The following FANCF variants were observed in gnomAD, a reference collection of about 807,000 sequenced individuals.
FANCF encodes Fanconi anemia group F protein.
For synonymous variants in FANCF, 257 were observed against 205.9 expected, an observed-to-expected ratio of 1.25 and a Z score of -2.13; for missense variants, 552 against 481.8, an observed-to-expected ratio of 1.15 and a Z score of -1.36.
rs753213642 is a variant in FANCF, at chr11:22,624,829, C to T, written c.982G>A (p.Ala328Thr). The change falls in exon 1 of 1, where the codon GCC becomes ACC. Residue 328 changes from alanine to threonine, a missense_variant. Coordinates refer to ENST00000327470, the MANE Select transcript of FANCF (RefSeq NM_022725.4). ...TCCTGCGCTTTACAGGTCTCCAGGGCAGTTAGAACTTTATCTTTCAGAGGT... is the reference window on the plus strand; with the variant it reads ...TCCTGCGCTTTACAGGTCTCCAGGGTAGTTAGAACTTTATCTTTCAGAGGT... ...PPPLKDKVLTALETCKAQDGD... is the reference protein window; with the variant it reads ...PPPLKDKVLTTLETCKAQDGD... 10 of 1,614,044 alleles carry T rather than the reference C, an allele frequency of 6.2e-6. No homozygotes were observed. The Admixed American group carries it at 8.3e-5, about 13-fold the overall frequency.
At position 22,624,154 on chromosome 11, in the gene FANCF, A is replaced by T; in HGVS notation, c.*532T>A. On this transcript the variant is annotated 3_prime_UTR_variant, in exon 1 of 1. Transcript: ENST00000327470. ...AAAGTAAGAATTTGCAGAAAATGAG[A>T]AACAAACTTTCTGAACAATACAATT... 1 of 240,460 alleles carries T rather than the reference A, an allele frequency of 4.2e-6. No homozygotes were observed. Among genetic ancestry groups the T allele is most frequent in the Non-Finnish European group, 8.2e-6 (1 of 121,666 alleles). The allele number at this position is 240,460 out of a possible 1,614,324, so 14.9% of individuals were successfully genotyped here.
rs758088094 is a variant in FANCF at position 22,625,156 on chromosome 11, G to C, written c.655C>G (p.Gln219Glu). 1 of 1,608,376 alleles carries C rather than the reference G, an allele frequency of 6.2e-7. No homozygotes were observed. The highest frequency in any genetic ancestry group is 1.1e-5 in the South Asian group (1 of 90,756). ...TGGATGCCGGGTTCCAACTCTTCTT[G>C]GGGCCGACGAGACAAAGGCGGCTGC... ...LLQPPLSRRP[Q>E]EELEPGIHKS... The change falls in exon 1 of 1, where the codon CAA becomes GAA. Residue 219 changes from glutamine (Q) to glutamate (E), a missense_variant. Transcript: ENST00000327470.
At position 22,622,595 on chromosome 11, in the gene FANCF, GA is replaced by G. The variant is rs1360136153; in HGVS notation, c.*2090del. The G allele has an allele frequency of 2.3e-4, 41 of 181,566 alleles. No individual in the cohort carries two copies. Among genetic ancestry groups the G allele is most frequent in the Middle Eastern group, 4.2e-3 (2 of 472 alleles). 11.2% of individuals were successfully genotyped at this position (181,566 alleles called of 1,614,324 possible). On this transcript the variant is annotated 3_prime_UTR_variant, in exon 1 of 1. Transcript: ENST00000327470. ...TCCTAATCTTTTCAAGTCCTTAAGA[GA>G]AAGTATATAAAGCTCTAATGCTGGT...
Position 22,625,764 on chromosome 11 carries a change from G to T in FANCF, c.47C>A (p.Ala16Glu). 1 of 1,614,166 alleles carries T rather than the reference G, an allele frequency of 6.2e-7. No individual in the cohort carries two copies. The highest frequency in any genetic ancestry group is 8.5e-7 in the Non-Finnish European group (1 of 1,180,048). ...GCTGACGTAGGTAGTGCTTGAGACCGCCAGAAGCTCGGAAAAGCGATCCAG... is the reference window on the plus strand; with the variant it reads ...GCTGACGTAGGTAGTGCTTGAGACCTCCAGAAGCTCGGAAAAGCGATCCAG... ...QHLDRFSELL[A>E]VSSTTYVSTW... Residue 16 changes from alanine (A) to glutamate (E), a missense_variant, in exon 1 of 1, where the codon GCG becomes GAG. Ala to Glu is a moderately radical substitution (Grantham distance 107, BLOSUM62 -1). Transcript: ENST00000327470.
Position 22,625,297 on chromosome 11 carries a change from C to G in FANCF, c.514G>C (p.Glu172Gln). Reference protein sequence around the residue: ...LMKTQAELLLERLQEVGKAEA... With the variant: ...LMKTQAELLLQRLQEVGKAEA... ...GCCTTCCCCACCTCCTGCAGACGCTCCAGCAGCAGCTCCGCCTGGGTCTTC... is the reference window on the plus strand; with the variant it reads ...GCCTTCCCCACCTCCTGCAGACGCTGCAGCAGCAGCTCCGCCTGGGTCTTC... The change falls in exon 1 of 1, where the codon GAG (glutamate) becomes CAG (glutamine). Residue 172 changes from glutamate (E) to glutamine (Q), a missense_variant. Transcript: ENST00000327470. The G allele has an allele frequency of 6.2e-7, 1 of 1,614,226 alleles. No homozygotes were observed. Among genetic ancestry groups the G allele is most frequent in the Non-Finnish European group, 8.5e-7 (1 of 1,180,052 alleles).
In FANCF at chr11:22,625,415, G is replaced by T; in HGVS notation, c.396C>A (p.Ser132Arg). ...RDADEETLQESLARLARRRSA... is the reference protein window; with the variant it reads ...RDADEETLQERLARLARRRSA... ...ACCGCCGGCGGGCAAGGCGGGCCAG[G>T]CTCTCTTGGAGTGTCTCCTCATCGG... is the stretch of plus-strand genomic sequence containing the variant. Residue 132 changes from serine to arginine, a missense_variant, in exon 1 of 1, where the codon AGC (serine) becomes AGA (arginine). Physicochemically the swap from Ser to Arg is moderately radical, Grantham distance 110. Transcript: ENST00000327470. 1 of 1,614,160 alleles carries T rather than the reference G, an allele frequency of 6.2e-7. No homozygotes were observed. Among genetic ancestry groups the T allele is most frequent in the Admixed American group, 1.7e-5 (1 of 60,030 alleles).
At position 22,624,733 on chromosome 11, in the gene FANCF, T is replaced by C. The variant is rs1357749824; in HGVS notation, c.1078A>G (p.Arg360Gly). The change falls in exon 1 of 1, where the codon AGG (arginine) becomes GGG (glycine). Residue 360 changes from arginine (R) to glycine (G), a missense_variant. Coordinates refer to ENST00000327470, the MANE Select transcript of FANCF (RefSeq NM_022725.4). The part of the protein sequence containing the change: ...LLLALRSGAF[R>G]KRQVLGLSAG... ...CTGAGACCCAAAACTTGTCTTTTCC[T>C]AAATGCACCACTACGAAGAGCTAAT... 5 of 1,614,082 alleles carry C rather than the reference T, an allele frequency of 3.1e-6. No homozygotes were observed. Among genetic ancestry groups the C allele is most frequent in the Non-Finnish European group, 4.2e-6 (5 of 1,180,046 alleles).
chr11:22,625,155 TGG>T lies in FANCF; in HGVS notation c.654_655del (p.Gln219ArgfsTer46). ...GTGGATGCCGGGTTCCAACTCTTCT[TGG>T]GGCCGACGAGACAAAGGCGGCTGCA... is the stretch of plus-strand genomic sequence containing the variant. On this transcript the variant is annotated frameshift_variant, in exon 1 of 1. Transcript: ENST00000327470. LOFTEE classifies it low-confidence loss of function (END_TRUNC). 7 of 1,608,534 alleles carry T rather than the reference TGG, an allele frequency of 4.4e-6. No homozygotes were observed. The highest frequency in any genetic ancestry group is 5.1e-6 in the Non-Finnish European group (6 of 1,176,758).
At position 22,625,199 on chromosome 11, in the gene FANCF, C is replaced by G. The variant is rs371052861; in HGVS notation, c.612G>C (p.Val204=). ...ERLPQNNFLK[V]IAVALLQPPL... ...GCGGCTGCAACAGCGCCACCGCTAT[C>G]ACCTTCAGGAAGTTGTTCTGAGGCA... Residue 204 remains valine (V), a synonymous_variant, in exon 1 of 1, where the codon GTG becomes GTC. Transcript: ENST00000327470. The G allele has an allele frequency of 6.2e-7, 1 of 1,612,616 alleles. No homozygotes were observed. The highest frequency in any genetic ancestry group is 1.3e-5 in the African/African-American group (1 of 74,850).
Position 22,625,535 on chromosome 11 carries a change from C to T in FANCF, c.276G>A (p.Leu92=), listed in dbSNP as rs757554175. 1.9e-6 allele frequency: 3 copies of T among 1,614,146 alleles called. No individual in the cohort carries two copies. The South Asian group carries it at 3.3e-5, about 18-fold the overall frequency. The change falls in exon 1 of 1, where the codon CTG becomes CTA. Residue 92 remains leucine (L), a synonymous_variant. Transcript: ENST00000327470. ...NFQALGHCDV[L]LSLRLLENRA... ...GGTTCTCCAGCAGGCGCAGAGAGAG[C>T]AGGACGTCACAGTGACCGAGGGCCT...
At position 22,624,755 on chromosome 11, in the gene FANCF, T is replaced by G. The variant is rs754545069; in HGVS notation, c.1056A>C (p.Leu352Phe). ...TCCTAAATGCACCACTACGAAGAGC[T>G]AATAAGAGGTCTGTCCAGATGCTAA... ...PGLSIWTDLL[L>F]ALRSGAFRKR... The change falls in exon 1 of 1, where the codon TTA becomes TTC. Residue 352 changes from leucine (L) to phenylalanine (F), a missense_variant. Physicochemically the swap from Leu to Phe is conservative, Grantham distance 22. Coordinates refer to ENST00000327470, the MANE Select transcript of FANCF (RefSeq NM_022725.4). 1.7e-5 allele frequency: 27 copies of G among 1,614,056 alleles called. No individual in the cohort carries two copies. The highest frequency in any genetic ancestry group is 2.3e-5 in the Non-Finnish European group (27 of 1,180,040).
Position 22,624,895 on chromosome 11 carries a change from C to T in FANCF, c.916G>A (p.Glu306Lys). The change falls in exon 1 of 1, where the codon GAG (glutamate) becomes AAG (lysine). Residue 306 changes from glutamate to lysine, a missense_variant. Coordinates refer to ENST00000327470, the MANE Select transcript of FANCF (RefSeq NM_022725.4). Reference protein sequence around the residue: ...GTESQDVPWEELHNRFQSLCQ... With the variant: ...GTESQDVPWEKLHNRFQSLCQ... Reference sequence around the variant, plus strand: ...AGGCTTTGAAACCTATTGTGCAACTCCTCCCAGGGCACATCTTGGGACTCA... The same window carrying T: ...AGGCTTTGAAACCTATTGTGCAACTTCTCCCAGGGCACATCTTGGGACTCA... 1 of 1,614,152 alleles carries T rather than the reference C, an allele frequency of 6.2e-7. No individual in the cohort carries two copies. Among genetic ancestry groups the T allele is most frequent in the African/African-American group, 1.3e-5 (1 of 75,028 alleles).
At position 22,625,755 on chromosome 11, in the gene FANCF, C is replaced by T. The variant is rs1288711259; in HGVS notation, c.56G>A (p.Ser19Asn). 2 of 1,614,054 alleles carry T rather than the reference C, an allele frequency of 1.2e-6. No individual in the cohort carries two copies. Among genetic ancestry groups the T allele is most frequent in the African/African-American group, 2.7e-5 (2 of 74,938 alleles). The change falls in exon 1 of 1, where the codon AGC becomes AAC. Residue 19 changes from serine (S) to asparagine (N), a missense_variant. Ser to Asn is a conservative substitution (Grantham distance 46). Coordinates refer to ENST00000327470, the MANE Select transcript of FANCF (RefSeq NM_022725.4). ...DRFSELLAVS[S>N]TTYVSTWDPA... is the part of the protein sequence containing the mutation. The stretch of plus-strand genomic sequence containing the variant: ...GTCCCAGGTGCTGACGTAGGTAGTG[C>T]TTGAGACCGCCAGAAGCTCGGAAAA...
rs1858590036 is a variant in FANCF at position 22,623,559 on chromosome 11, A to T, written c.*1127T>A. 1 of 195,744 alleles carries T rather than the reference A, an allele frequency of 5.1e-6. No individual in the cohort carries two copies. Among genetic ancestry groups the T allele is most frequent in the Admixed American group, 6.1e-5 (1 of 16,474 alleles). 12.1% of individuals were successfully genotyped at this position (195,744 alleles called of 1,614,324 possible). A position where few individuals can be genotyped will look rare whatever the true frequency, so the allele number is the denominator to read the frequency against. On this transcript the variant is annotated 3_prime_UTR_variant, in exon 1 of 1. Coordinates refer to ENST00000327470, the MANE Select transcript of FANCF (RefSeq NM_022725.4). ...ATATTCTAAACTGTTTCCACAGGGC[A>T]GCCACCAAGGGAAAAATAAGGAAAT...
chr11:22,625,606 C>T lies in FANCF; in HGVS notation c.205G>A (p.Glu69Lys), dbSNP rs1858634789. The change falls in exon 1 of 1, where the codon GAG (glutamate) becomes AAG (lysine). Residue 69 changes from glutamate (E) to lysine (K), a missense_variant. Transcript: ENST00000327470. ...ERRLHNQWRQ[E>K]GGFGRGPVPG... The stretch of plus-strand genomic sequence containing the variant: ...ACTGGACCCCGCCCAAAGCCGCCCT[C>T]TTGCCTCCACTGGTTGTGCAGCCGC... 6.2e-7 allele frequency: 1 copy of T among 1,613,810 alleles called. No individual in the cohort carries two copies. Among genetic ancestry groups the T allele is most frequent in the South Asian group, 1.1e-5 (1 of 91,090 alleles).
rs1858606642 is a variant in FANCF, at chr11:22,624,379, AGCT to A, written c.*304_*306del. 5.0e-6 allele frequency: 2 copies of A among 401,952 alleles called. No homozygotes were observed. Among genetic ancestry groups the A allele is most frequent in the Non-Finnish European group, 9.1e-6 (2 of 220,040 alleles). 24.9% of individuals were successfully genotyped at this position (401,952 alleles called of 1,614,324 possible). A position where few individuals can be genotyped will look rare whatever the true frequency, so the allele number is the denominator to read the frequency against. ...AAGGGTATTTTGTTTGTCACTTTAA[AGCT>A]GCTTTTTCTTTAAACGGTACACATA... On this transcript the variant is annotated 3_prime_UTR_variant, in exon 1 of 1. Coordinates refer to ENST00000327470, the MANE Select transcript of FANCF (RefSeq NM_022725.4).
chr11:22,625,048 G>T lies in FANCF; in HGVS notation c.763C>A (p.Leu255Ile). 6.2e-7 allele frequency: 1 copy of T among 1,614,200 alleles called. No individual in the cohort carries two copies. The highest frequency in any genetic ancestry group is 1.3e-5 in the African/African-American group (1 of 75,056). Residue 255 changes from leucine (L) to isoleucine (I), a missense_variant, in exon 1 of 1, where the codon CTC (leucine) becomes ATC (isoleucine). Transcript: ENST00000327470. The part of the protein sequence containing the change: ...SEVFAAFCRA[L>I]PAGLLTLVTS... ...ACTAAAGTCAAAAGCCCGGCTGGGA[G>T]GGCGCGACAAAAGGCAGCAAAGACT...
At position 22,625,523 on chromosome 11, in the gene FANCF, G is replaced by T. The variant is rs761672325; in HGVS notation, c.288C>A (p.Arg96=). ...CCCCGAGGGCCCGGTTCTCCAGCAG[G>T]CGCAGAGAGAGCAGGACGTCACAGT... is the stretch of plus-strand genomic sequence containing the variant. ...LGHCDVLLSL[R]LLENRALGDA... The change falls in exon 1 of 1, where the codon CGC becomes CGA. Residue 96 remains arginine, a synonymous_variant. Coordinates refer to ENST00000327470, the MANE Select transcript of FANCF (RefSeq NM_022725.4). The T allele has an allele frequency of 1.2e-6, 2 of 1,614,092 alleles. No individual in the cohort carries two copies. Among genetic ancestry groups the T allele is most frequent in the Non-Finnish European group, 1.7e-6 (2 of 1,180,046 alleles).
At position 22,625,200 on chromosome 11, in the gene FANCF, A is replaced by C; in HGVS notation, c.611T>G (p.Val204Gly). The C allele has an allele frequency of 6.2e-7, 1 of 1,612,690 alleles. No homozygotes were observed. The highest frequency in any genetic ancestry group is 8.5e-7 in the Non-Finnish European group (1 of 1,179,252). Reference protein sequence around the residue: ...ERLPQNNFLKVIAVALLQPPL... With the variant: ...ERLPQNNFLKGIAVALLQPPL... ...CGGCTGCAACAGCGCCACCGCTATCACCTTCAGGAAGTTGTTCTGAGGCAA... is the reference window on the plus strand; with the variant it reads ...CGGCTGCAACAGCGCCACCGCTATCCCCTTCAGGAAGTTGTTCTGAGGCAA... The change falls in exon 1 of 1, where the codon GTG becomes GGG. Residue 204 changes from valine to glycine, a missense_variant. Physicochemically the swap from Val to Gly is moderately radical, Grantham distance 109. Coordinates refer to ENST00000327470, the MANE Select transcript of FANCF (RefSeq NM_022725.4).
Sources: gnomAD v4.1 joint callset for allele counts on GRCh38, gnomAD v4.1.1 for gene constraint, MANE v1.5 for transcripts, NCBI Gene and HGNC (gene_info 2026-07-23, HGNC 2026-07-21) for gene names.